Variants in MAPK10 observed in about 807,000 individuals in gnomAD.
The protein encoded by MAPK10 is mitogen-activated protein kinase 10.
MAPK10 carries 25 observed loss-of-function variants against 59.3 expected under a neutral mutation model. That is an observed-to-expected ratio of 0.42 (90% confidence interval 0.31 to 0.59). The LOEUF is 0.59. Among genes scored for constraint, MAPK10 ranks in the 20% least tolerant of loss-of-function variants. The pLI is 0.15. For synonymous variants in MAPK10, 190 were observed against 200.5 expected, an observed-to-expected ratio of 0.95 and a Z score of 0.44; for missense variants, 351 against 568.9, an observed-to-expected ratio of 0.62 and a Z score of 3.90.
chr4:86,412,389 C>A (rs955917761), intron 1 of MAPK10, among the ~76,000 whole-genome samples: 4 of 152,104 alleles, frequency 2.6e-5, no homozygotes, highest in African/African-American at 9.7e-5. Context: ...TGGGGTTGCT[C>A]TTCTCAAGGA....
chr4:86,290,939 T>A (rs2095205684), intron 2 of MAPK10, among the ~76,000 whole-genome samples: 1 of 152,222 alleles, frequency 6.6e-6, no homozygotes, highest in Non-Finnish European at 1.5e-5. Flanking sequence ...TGTAAACCAT[T>A]GTTTTAGACT....
chr4:86,256,098 TAGCA>T (rs2093695542), intron 2 of MAPK10, among the ~76,000 whole-genome samples: 1 of 152,246 alleles, frequency 6.6e-6, no homozygotes, highest in African/African-American at 2.4e-5. Context: ...ACCTCATTTA[TAGCA>T]AGCACACCAG....
At chr4:86,213,770 T>C (rs1184449370) in intron 2 of MAPK10, among the ~76,000 whole-genome samples, 4 of 152,114 alleles carry the variant, frequency 2.6e-5, no homozygotes, top group Non-Finnish European at 4.4e-5. Context: ...GCTTCACTGA[T>C]GAATTCTACC....
intron 1 of MAPK10, among the ~76,000 whole-genome samples, chr4:86,470,031 T>C (rs1244314656): frequency 6.6e-6 from 1 of 152,212 alleles, no homozygotes; most frequent in Non-Finnish European, 1.5e-5. Context: ...ATTTAAGATT[T>C]AAGCAAATCC....
At position 86,107,354 on chromosome 4, in the gene MAPK10, T is replaced by C; in HGVS notation, c.237-2A>G. ...TCAAGGACAGCATCATACGCGGCAC[T>C]GTAGAGATCCAAGAGCAACTCAGAA... is the stretch of plus-strand genomic sequence containing the variant. On this transcript the variant is annotated splice_acceptor_variant, in intron 4 of 13. Transcript: ENST00000641462. LOFTEE classifies it high-confidence loss of function. 1 of 1,606,386 alleles carries C rather than the reference T, an allele frequency of 6.2e-7. No individual in the cohort carries two copies. Among genetic ancestry groups the C allele is most frequent in the Non-Finnish European group, 8.5e-7 (1 of 1,177,590 alleles).
intron 4 of MAPK10, among the ~76,000 whole-genome samples, chr4:86,117,128 G>T (rs1473840038): frequency 6.6e-6 from 1 of 152,192 alleles, no homozygotes; most frequent in African/African-American, 2.4e-5. Context: ...TACATTATAA[G>T]CTGGGCACAG....
At chr4:86,463,165 G>C (rs1706394282) in intron 1 of MAPK10, among the ~76,000 whole-genome samples, 1 of 152,200 alleles carries the variant, frequency 6.6e-6, no homozygotes, top group African/African-American at 2.4e-5. Flanking sequence ...CATTAATTCA[G>C]TTATACAACC....
chr4:86,358,008 T>C (rs1271699060), intron 1 of MAPK10: 2 of 931,352 alleles, frequency 2.1e-6, no homozygotes, highest in Non-Finnish European at 2.6e-6. Flanking sequence ...TTGCTCCACA[T>C]AAGAAAATAA....
At chr4:86,261,651 T>C (rs1187728618) in intron 2 of MAPK10, among the ~76,000 whole-genome samples, 2 of 152,184 alleles carry the variant, frequency 1.3e-5, no homozygotes, top group African/African-American at 4.8e-5. Flanking sequence ...AGAAAAATTA[T>C]AAATAAATGA....
intron 4 of MAPK10, among the ~76,000 whole-genome samples, chr4:86,145,000 C>CA (rs1221354395): frequency 4.6e-5 from 7 of 151,560 alleles, no homozygotes; most frequent in Admixed American, 1.3e-4. Flanking sequence ...AAAAAAAACC[C>CA]AAAAAAACAA....
At chr4:86,304,387 CT>C (rs1162506350) in intron 2 of MAPK10, among the ~76,000 whole-genome samples, 35,472 of 112,376 alleles carry the variant, frequency 0.32, 4,252 homozygotes, top group Middle Eastern at 0.39. Context: ...TGGAGTATTT[CT>C]TTTTTTTTTT....
intron 1 of MAPK10, among the ~76,000 whole-genome samples, chr4:86,394,035 C>T (rs1242449728): frequency 2.0e-5 from 3 of 152,074 alleles, no homozygotes; most frequent in South Asian, 2.1e-4. Context: ...CTTTGGGAGG[C>T]CGAGGTAGGC....
At chr4:86,303,506 T>C (rs73834272) in intron 2 of MAPK10, among the ~76,000 whole-genome samples, 1 of 145,824 alleles carries the variant, frequency 6.9e-6, no homozygotes, top group African/African-American at 2.8e-5. Flanking sequence ...GACAGACAGA[T>C]AGATAGATAA....
rs886855682 is a variant in MAPK10, at chr4:86,067,658, T to C, written c.985+115A>G. On this transcript the variant is annotated intron_variant, in intron 10 of 13. Coordinates refer to ENST00000641462, the MANE Select transcript of MAPK10 (RefSeq NM_138982.4). ...ATCCCACAAAAATGTACGATTATCA[T>C]GTGTCAACTAAAAATAAAAGGGAAC... 1.5e-5 allele frequency: 13 copies of C among 853,934 alleles called. No homozygotes were observed. The South Asian group carries it at 2.6e-4, about 17-fold the overall frequency. The allele number at this position is 853,934 out of a possible 1,614,324, so 52.9% of individuals were successfully genotyped here. A position where few individuals can be genotyped will look rare whatever the true frequency, so the allele number is the denominator to read the frequency against.
chr4:86,136,278 C>A (rs1400165293), intron 4 of MAPK10, among the ~76,000 whole-genome samples: 3 of 152,018 alleles, frequency 2.0e-5, no homozygotes, highest in Admixed American at 6.6e-5. Context: ...TTAAGGGCAG[C>A]CAGAGAGAAA....
At chr4:86,489,293 A>G (rs1308715545) in intron 1 of MAPK10, among the ~76,000 whole-genome samples, 1 of 152,200 alleles carries the variant, frequency 6.6e-6, no homozygotes, top group African/African-American at 2.4e-5. Flanking sequence ...GTAATAGATA[A>G]CTAATTATAG....
At chr4:86,253,351 A>G (rs1253629023) in intron 2 of MAPK10, among the ~76,000 whole-genome samples, 2 of 108,824 alleles carry the variant, frequency 1.8e-5, no homozygotes, top group East Asian at 4.3e-4. Context: ...ACGTCCCATC[A>G]ATACCTAATT....
chr4:86,318,253 A>C (rs545911350), intron 2 of MAPK10, among the ~76,000 whole-genome samples: 3 of 152,286 alleles, frequency 2.0e-5, no homozygotes, highest in African/African-American at 7.2e-5. Flanking sequence ...GGTTGATTTT[A>C]TGTAGAATTC....
chr4:86,256,730 C>CTTTT (rs2093735025), intron 2 of MAPK10, among the ~76,000 whole-genome samples: 1 of 87,704 alleles, frequency 1.1e-5, no homozygotes, highest in African/African-American at 5.7e-5. Flanking sequence ...TCTTTTCTTT[C>CTTTT]TTTCTTTTTT....
Sources: gnomAD v4.1 joint callset for allele counts (sites outside exome capture counted in the v4.1 genomes callset) on GRCh38, gnomAD v4.1.1 for gene constraint, MANE v1.5 for transcripts, NCBI Gene and HGNC (gene_info 2026-07-23, HGNC 2026-07-21) for gene names.